TOP3A: variants seen among roughly 807,000 people sequenced by gnomAD.
TOP3A encodes DNA topoisomerase 3-alpha.
A neutral mutation model predicts 111.3 loss-of-function variants in TOP3A; 64 were observed. That is an observed-to-expected ratio of 0.57 (90% CI 0.47 to 0.71). The LOEUF is 0.71. Ranked by LOEUF, TOP3A falls within the 30% of genes least tolerant of loss-of-function variation. The pLI, the probability that TOP3A is intolerant of heterozygous loss-of-function variation, is 0.00. For missense variants in TOP3A, 1,104 were observed against 1,285.0 expected (o/e 0.86, Z 2.15); for synonymous variants, 484 against 485.1 (o/e 1.00, Z 0.03).
At chr17:18,282,954 G>A in intron 15 of TOP3A, 113 bp from the exon 16 acceptor site, 1 of 1,374,348 alleles carries the variant, frequency 7.3e-7, no homozygotes, top group Non-Finnish European at 1.0e-6. Flanking sequence ...TGGTCAGTGA[G>A]CCGCAGGCCT....
In TOP3A at chr17:18,277,667, T is replaced by C. The variant is rs1979461827; in HGVS notation, c.2827+8A>G. Reference sequence around the variant, plus strand: ...AGGCAGGGATTCCCATGCCCCTCCCTGCCTCACCTGGAGCGGTGTTCTCAT... The same window carrying C: ...AGGCAGGGATTCCCATGCCCCTCCCCGCCTCACCTGGAGCGGTGTTCTCAT... On this transcript the variant is annotated splice_region_variant and intron_variant, in intron 18 of 18. Coordinates refer to ENST00000321105, the MANE Select transcript of TOP3A (RefSeq NM_004618.5). 6.3e-7 allele frequency: 1 copy of C among 1,595,832 alleles called. No individual in the cohort carries two copies. The highest frequency in any genetic ancestry group is 8.6e-7 in the Non-Finnish European group (1 of 1,165,548).
intron 4 of TOP3A, chr17:18,306,585 C>T: frequency 4.2e-6 from 1 of 237,036 alleles, no homozygotes; most frequent in Non-Finnish European, 8.3e-6. Flanking sequence ...CCAGGCTGGT[C>T]TCAAATTCCT....
chr17:18,303,716 C>A lies in TOP3A; in HGVS notation c.500-993G>T, dbSNP rs183688146. Among the ~76,000 whole-genome samples the A allele has an allele frequency of 1.4e-3, 214 of 152,260 alleles. 1 individual carries two copies. The highest frequency in any genetic ancestry group is 6.8e-3 in the Middle Eastern group (2 of 294). ...CCTGCTGACCCTCTCCCCACCAACA[C>A]CCTATAGTCACACTGCATTCCCCTC... On this transcript the variant is annotated intron_variant, in intron 5 of 18. Coordinates refer to ENST00000321105, the MANE Select transcript of TOP3A (RefSeq NM_004618.5).
rs1298556119 is a variant in TOP3A, at chr17:18,290,958, CCT to C, written c.1349_1350del (p.Gln450ArgfsTer34). The C allele has an allele frequency of 2.5e-6, 4 of 1,614,084 alleles. No homozygotes were observed. The highest frequency in any genetic ancestry group is 3.3e-5 in the Admixed American group (2 of 59,996). On this transcript the variant is annotated frameshift_variant, in exon 12 of 19. Coordinates refer to ENST00000321105, the MANE Select transcript of TOP3A (RefSeq NM_004618.5). LOFTEE classifies it high-confidence loss of function. ...TCGATCTCCACTGTGGTCTCCTGCC[CCT>C]GAGCATCCTGGGAGCAGCAAGCCAG... is the stretch of plus-strand genomic sequence containing the variant. ...HFLACCSQDA[Q>X]GQETTVEIDI...
chr17:18,280,891 A>C (rs148463026), intron 16 of TOP3A, among the ~76,000 whole-genome samples: 1 of 152,366 alleles, frequency 6.6e-6, no homozygotes, highest in Non-Finnish European at 1.5e-5. Context: ...TAGAAAACCA[A>C]CAACCAACCA....
chr17:18,300,563 A>ATT (rs568402372), intron 8 of TOP3A, among the ~76,000 whole-genome samples: 2 of 149,528 alleles, frequency 1.3e-5, no homozygotes, highest in Admixed American at 1.3e-4. Flanking sequence ...TTATTATTTG[A>ATT]TTTTTTTTTT....
intron 5 of TOP3A, among the ~76,000 whole-genome samples, chr17:18,303,245 C>A (rs1318786731): frequency 6.6e-6 from 1 of 152,170 alleles, no homozygotes; most frequent in Admixed American, 6.5e-5. Context: ...ACCAGAGACA[C>A]AATGCACTGT....
rs115765720 is a variant in TOP3A, at chr17:18,272,463, A to G, written c.*2339T>C. Among the ~76,000 whole-genome samples, 3,939 of 152,326 alleles carry G rather than the reference A, an allele frequency of 0.026. 170 individuals are homozygous for G. Among genetic ancestry groups the G allele is most frequent in the African/African-American group, 0.084 (3,505 of 41,554 alleles). ...AATAACTGAAAACAAGTCATCAGAC[A>G]CTCATACACCAATGTTCACAACAGT... is the stretch of plus-strand genomic sequence containing the variant. On this transcript the variant is annotated 3_prime_UTR_variant, in exon 19 of 19. Transcript: ENST00000321105.
intron 6 of TOP3A, 47 bp downstream of exon 6, chr17:18,302,533 A>G (rs1302716746): frequency 1.2e-6 from 2 of 1,602,182 alleles, no homozygotes; most frequent in East Asian, 2.2e-5. Flanking sequence ...TTGGTCCCAT[A>G]ACACAACATT....
intron 13 of TOP3A, 128 bp from the exon 14 acceptor site, chr17:18,285,648 A>C: frequency 1.5e-6 from 1 of 675,462 alleles, no homozygotes; most frequent in Admixed American, 2.6e-5. Context: ...AGATGCCTTC[A>C]TTTCATTCCC....
intron 9 of TOP3A, among the ~76,000 whole-genome samples, chr17:18,298,678 C>T (rs1981025217): frequency 6.6e-6 from 1 of 151,840 alleles, no homozygotes; most frequent in African/African-American, 2.4e-5. Flanking sequence ...AAGAGGTAGA[C>T]GTGGGAGACT....
intron 17 of TOP3A, among the ~76,000 whole-genome samples, chr17:18,278,751 G>A (rs948480883): frequency 3.9e-5 from 6 of 152,026 alleles, no homozygotes; most frequent in East Asian, 1.9e-4. Context: ...AGGCTGAGGC[G>A]GGCGGATCAC....
At chr17:18,295,798 G>C (rs1367147244) in intron 9 of TOP3A, among the ~76,000 whole-genome samples, 1 of 137,684 alleles carries the variant, frequency 7.3e-6, no homozygotes. Flanking sequence ...ATGGAGTCTT[G>C]CTCTGTCATC....
At position 18,306,956 on chromosome 17, in the gene TOP3A, T is replaced by G. The variant is rs773841300; in HGVS notation, c.325A>C (p.Asn109His). ...TCTGCTTCAAAGAGGACAAGAGGGT[T>G]GCAGCTCTGCCTAGAAAAGAAATGA... is the stretch of plus-strand genomic sequence containing the variant. ...QMQFRKWQSC[N>H]PLVLFEAEIE... is the part of the protein sequence containing the mutation. The change falls in exon 4 of 19, where the codon AAC (asparagine) becomes CAC (histidine). Residue 109 changes from asparagine (N) to histidine (H), a missense_variant. Transcript: ENST00000321105. 1 of 1,613,432 alleles carries G rather than the reference T, an allele frequency of 6.2e-7. No individual in the cohort carries two copies. The highest frequency in any genetic ancestry group is 8.5e-7 in the Non-Finnish European group (1 of 1,179,630).
chr17:18,306,454 C>T (rs1981585557), intron 4 of TOP3A: 2 of 159,900 alleles, frequency 1.3e-5, no homozygotes, highest in South Asian at 1.7e-4. Flanking sequence ...CAACCTCCTG[C>T]CTCCTGGGAT....
rs1204871673 is a variant in TOP3A, at chr17:18,308,332, C to T, written c.314+19G>A. 1 of 1,511,778 alleles carries T rather than the reference C, an allele frequency of 6.6e-7. No individual in the cohort carries two copies. The highest frequency in any genetic ancestry group is 9.0e-7 in the Non-Finnish European group (1 of 1,110,624). 93.6% of individuals were successfully genotyped at this position (1,511,778 alleles called of 1,614,324 possible). On this transcript the variant is annotated intron_variant, in intron 3 of 18. Coordinates refer to ENST00000321105, the MANE Select transcript of TOP3A (RefSeq NM_004618.5). ...ACTTACTATAATCTGAAAGTCCTTC[C>T]CTTGAGAATTGTACTGACCATTTTC...
intron 1 of TOP3A, chr17:18,312,115 G>T (rs1026249054): frequency 2.0e-5 from 3 of 152,332 alleles, no homozygotes; most frequent in African/African-American, 7.2e-5. Flanking sequence ...ATAAGTGGCT[G>T]ATGTGCCACC....
chr17:18,281,869 C>T (rs2142942242), intron 16 of TOP3A, among the ~76,000 whole-genome samples: 2 of 152,328 alleles, frequency 1.3e-5, no homozygotes, highest in East Asian at 3.9e-4. Flanking sequence ...CTGCTGCCCA[C>T]CACGGCTGCT....
intron 16 of TOP3A, among the ~76,000 whole-genome samples, chr17:18,281,989 C>G (rs1039047461): frequency 6.6e-6 from 1 of 152,182 alleles, no homozygotes; most frequent in African/African-American, 2.4e-5. Flanking sequence ...CCCTGCATTA[C>G]ACCAGTGAGG....
Sources: allele counts gnomAD v4.1 joint callset (sites outside exome capture counted in the v4.1 genomes callset), GRCh38; gene constraint gnomAD v4.1.1; transcripts MANE v1.5; gene names NCBI Gene and HGNC (gene_info 2026-07-23, HGNC 2026-07-21).